Variants in CLDN18 observed in about 807,000 individuals in gnomAD.
CLDN18 encodes claudin 18, also known as claudin-18.
In CLDN18, 20 loss-of-function variants were observed where a neutral mutation model predicts 25.0. That is an observed-to-expected ratio of 0.80 (90% CI 0.56 to 1.16). The LOEUF (loss-of-function observed/expected upper bound fraction) is 1.16, where lower values mean the gene tolerates loss of function less well. Among genes scored for constraint, CLDN18 ranks in the 50% most tolerant of loss-of-function variants. The pLI is 0.00. For synonymous variants in CLDN18, 125 were observed against 135.6 expected (o/e 0.92, Z 0.54); for missense variants, 297 against 345.4 (o/e 0.86, Z 1.11).
chr3:138,018,583 G>T (rs541730084), intron 1 of CLDN18, among the ~76,000 whole-genome samples: 1 of 152,066 alleles, frequency 6.6e-6, no homozygotes, highest in Non-Finnish European at 1.5e-5. Flanking sequence ...TGATCCGCCC[G>T]CCTCGGCCTC....
intron 3 of CLDN18, among the ~76,000 whole-genome samples, chr3:138,027,217 C>G (rs1021943894): frequency 6.6e-6 from 1 of 152,202 alleles, no homozygotes; most frequent in Non-Finnish European, 1.5e-5. Flanking sequence ...GGCAGCTGCC[C>G]TTTTGGCTAG....
chr3:138,023,079 C>T (rs755766601), intron 1 of CLDN18, among the ~76,000 whole-genome samples: 7 of 152,188 alleles, frequency 4.6e-5, no homozygotes, highest in Non-Finnish European at 1.0e-4. Flanking sequence ...ACCTACAGCT[C>T]ACCATAATCT....
At chr3:138,024,200 T>C (rs1301878353) in intron 2 of CLDN18, among the ~76,000 whole-genome samples, 2 of 151,968 alleles carry the variant, frequency 1.3e-5, no homozygotes, top group East Asian at 3.9e-4. Context: ...TTTTGAATCT[T>C]AACTTAAGCT....
chr3:138,031,188 C>T lies in CLDN18; in HGVS notation c.*47C>T, dbSNP rs1359703405. On this transcript the variant is annotated 3_prime_UTR_variant, in exon 5 of 5. Coordinates refer to ENST00000183605, the MANE Select transcript of CLDN18 (RefSeq NM_016369.4). ...GGGCGGAAGAAACTCCCGGAGAGCT[C>T]ACCCAAAAAACAAGGAGATCCCATC... is the stretch of plus-strand genomic sequence containing the variant. 1 of 1,479,598 alleles carries T rather than the reference C, an allele frequency of 6.8e-7. No individual in the cohort carries two copies. The highest frequency in any genetic ancestry group is 2.3e-5 in the East Asian group (1 of 42,706). 91.7% of individuals were successfully genotyped at this position (1,479,598 alleles called of 1,614,324 possible).
chr3:138,006,947 A>T (rs1433152061), upstream of CLDN18, among the ~76,000 whole-genome samples: 1 of 152,150 alleles, frequency 6.6e-6, no homozygotes, highest in Non-Finnish European at 1.5e-5. Flanking sequence ...CTATTTTGAA[A>T]CTCTGCATGA....
At chr3:138,017,830 A>G (rs548349489) in intron 1 of CLDN18, among the ~76,000 whole-genome samples, 1 of 152,362 alleles carries the variant, frequency 6.6e-6, no homozygotes, top group South Asian at 2.1e-4. Flanking sequence ...ACGTTATTGT[A>G]CATATGAAGA....
chr3:138,024,966 T>C (rs536643489), intron 3 of CLDN18, among the ~76,000 whole-genome samples: 1 of 152,328 alleles, frequency 6.6e-6, no homozygotes, highest in East Asian at 1.9e-4. Context: ...TGACAGTTCA[T>C]AGTATTTATC....
chr3:138,028,171 T>C (rs1239292352), intron 3 of CLDN18, among the ~76,000 whole-genome samples: 1 of 152,120 alleles, frequency 6.6e-6, no homozygotes, highest in Admixed American at 6.5e-5. Context: ...TTCAAGCAAT[T>C]CTCCTGCCTC....
At chr3:138,011,713 G>T (rs537366723) in intron 1 of CLDN18, among the ~76,000 whole-genome samples, 1 of 152,106 alleles carries the variant, frequency 6.6e-6, no homozygotes, top group South Asian at 2.1e-4. Context: ...CAAAATTAAG[G>T]CATGATGTCT....
At chr3:138,030,933 G>C in intron 4 of CLDN18, 37 bp from the exon 5 acceptor site, 1 of 1,579,478 alleles carries the variant, frequency 6.3e-7, no homozygotes, top group Non-Finnish European at 8.6e-7. Flanking sequence ...TACTAACAAA[G>C]ACATCTACAA....
chr3:138,013,484 A>G (rs546944998), intron 1 of CLDN18, among the ~76,000 whole-genome samples: 243 of 152,340 alleles, frequency 1.6e-3, no homozygotes, highest in African/African-American at 5.2e-3. Flanking sequence ...CACTCTTCAA[A>G]GTTGCTGGGG....
intron 1 of CLDN18, among the ~76,000 whole-genome samples, chr3:138,016,381 C>T (rs772022475): frequency 6.6e-6 from 1 of 152,056 alleles, no homozygotes; most frequent in Non-Finnish European, 1.5e-5. Context: ...TGGGGGTTGA[C>T]CCATTTGTAA....
In CLDN18 at chr3:138,031,055, A is replaced by C; in HGVS notation, c.700A>C (p.Asn234His). The change falls in exon 5 of 5, where the codon AAC becomes CAC. Residue 234 changes from asparagine to histidine, a missense_variant. Transcript: ENST00000183605. Reference protein sequence around the residue: ...GFKASTGFGSNTKNKKIYDGG... With the variant: ...GFKASTGFGSHTKNKKIYDGG... ...CAAGGCCAGCACTGGCTTTGGGTCC[A>C]ACACCAAAAACAAGAAGATATACGA... 6.2e-7 allele frequency: 1 copy of C among 1,614,196 alleles called. No homozygotes were observed.
At chr3:138,017,623 G>A (rs966989833) in intron 1 of CLDN18, among the ~76,000 whole-genome samples, 4 of 152,274 alleles carry the variant, frequency 2.6e-5, no homozygotes, top group Non-Finnish European at 5.9e-5. Flanking sequence ...GGTTTCACTG[G>A]TTGCGAAACC....
chr3:138,008,360 T>C (rs1184444954), upstream of CLDN18, among the ~76,000 whole-genome samples: 2 of 151,960 alleles, frequency 1.3e-5, no homozygotes, highest in African/African-American at 2.4e-5. Context: ...TCCTGGCACT[T>C]TGGGAGGCCG....
Position 138,023,687 on chromosome 3 carries a change from A to T in CLDN18, c.250A>T (p.Ile84Phe). 6.2e-7 allele frequency: 1 copy of T among 1,613,952 alleles called. No individual in the cohort carries two copies. Among genetic ancestry groups the T allele is most frequent in the Non-Finnish European group, 8.5e-7 (1 of 1,179,992 alleles). Residue 84 changes from isoleucine to phenylalanine, a missense_variant, in exon 2 of 5, where the codon ATC becomes TTC. Ile to Phe is a conservative substitution (Grantham distance 21). Transcript: ENST00000183605. Reference protein sequence around the residue: ...AMLQAVRALMIVGIVLGAIGL... With the variant: ...AMLQAVRALMFVGIVLGAIGL... Reference sequence around the variant, plus strand: ...GCTGCAGGCAGTGCGAGCCCTGATGATCGTAGGCATCGTCCTGGGTGCCAT... The same window carrying T: ...GCTGCAGGCAGTGCGAGCCCTGATGTTCGTAGGCATCGTCCTGGGTGCCAT...
At chr3:138,017,999 C>T (rs1392772272) in intron 1 of CLDN18, among the ~76,000 whole-genome samples, 1 of 152,158 alleles carries the variant, frequency 6.6e-6, no homozygotes, top group East Asian at 1.9e-4. Context: ...ATGGCAGAGG[C>T]AGCTACCACA....
intron 3 of CLDN18, among the ~76,000 whole-genome samples, chr3:138,028,216 C>T (rs1187295836): frequency 2.0e-5 from 3 of 152,144 alleles, no homozygotes; most frequent in Non-Finnish European, 4.4e-5. Context: ...AGGCACCTGC[C>T]ACCACACCTG....
At chr3:138,001,675 T>C (rs1301778290) in intron 1 of CLDN18, among the ~76,000 whole-genome samples, 3 of 152,166 alleles carry the variant, frequency 2.0e-5, no homozygotes, top group Non-Finnish European at 4.4e-5. Flanking sequence ...GTGTGTAAAA[T>C]AAAACTCTTT....
Sources: allele counts gnomAD v4.1 joint callset (sites outside exome capture counted in the v4.1 genomes callset), GRCh38; gene constraint gnomAD v4.1.1; transcripts MANE v1.5; gene names NCBI Gene and HGNC (gene_info 2026-07-23, HGNC 2026-07-21).